Variants in ADARB2 observed in about 807,000 individuals in gnomAD.
ADARB2 encodes the protein inactive double-stranded RNA-specific editase B2.
ADARB2 carries 25 observed loss-of-function variants against 62.2 expected under a neutral mutation model. That is an observed-to-expected ratio of 0.40 (90% CI 0.29 to 0.56). ADARB2 has a LOEUF of 0.56. ADARB2 is among the 20% of genes least tolerant of loss of function. The pLI is 0.43. For synonymous variants in ADARB2, 572 were observed against 500.8 expected, an observed-to-expected ratio of 1.14 and a Z score of -1.90; for missense variants, 1,071 against 1,077.4, an observed-to-expected ratio of 0.99 and a Z score of 0.08.
In ADARB2 at chr10:1,529,793, G is replaced by A. The variant is rs193058759; in HGVS notation, c.101-150633C>T. 1.1e-3 allele frequency among the ~76,000 whole-genome samples: 162 copies of A among 152,298 alleles called. 1 individual carries two copies. Among genetic ancestry groups the A allele is most frequent in the African/African-American group, 3.4e-3 (142 of 41,544 alleles). The stretch of plus-strand genomic sequence containing the variant: ...TGCATGTAGAGGGCAGAGTTCAGGG[G>A]CACGCGCAGGGCAAAGGACAGGGTA... On this transcript the variant is annotated intron_variant, in intron 1 of 9. Transcript: ENST00000381312.
intron 1 of ADARB2, among the ~76,000 whole-genome samples, chr10:1,427,101 C>T (rs1036108316): frequency 1.3e-5 from 2 of 152,212 alleles, no homozygotes; most frequent in Non-Finnish European, 2.9e-5. Context: ...CACATGGAGT[C>T]CCAGCTGATT....
At chr10:1,453,485 C>T (rs1179731032) in intron 1 of ADARB2, among the ~76,000 whole-genome samples, 1 of 152,040 alleles carries the variant, frequency 6.6e-6, no homozygotes, top group African/African-American at 2.4e-5. Context: ...ATGTGAATAT[C>T]CAGGTTTCTT....
intron 1 of ADARB2, among the ~76,000 whole-genome samples, chr10:1,647,998 A>T (rs1834067887): frequency 6.6e-6 from 1 of 152,174 alleles, no homozygotes; most frequent in South Asian, 2.1e-4. Context: ...ATAAATTCTA[A>T]TTGAGTGGAT....
intron 1 of ADARB2, among the ~76,000 whole-genome samples, chr10:1,594,246 G>A (rs917305446): frequency 1.3e-5 from 2 of 152,132 alleles, no homozygotes; most frequent in African/African-American, 4.8e-5. Flanking sequence ...ACCTGAGATC[G>A]TGCCACTGCA....
Position 1,366,443 on chromosome 10 carries a change from C to CT in ADARB2, c.188-2527dup, listed in dbSNP as rs554933728. ...CCATGAGGGTTTACTACAAAATACT[C>CT]TGAGAATTATGGTAGTGAGCTGTGC... is the stretch of plus-strand genomic sequence containing the variant. On this transcript the variant is annotated intron_variant, in intron 2 of 9. Coordinates refer to ENST00000381312, the MANE Select transcript of ADARB2 (RefSeq NM_018702.4). Among the ~76,000 whole-genome samples the CT allele has an allele frequency of 1.6e-3, 246 of 152,252 alleles. 1 individual carries two copies. Among genetic ancestry groups the CT allele is most frequent in the African/African-American group, 5.8e-3 (241 of 41,540 alleles).
At chr10:1,732,282 G>T (rs949280446) in intron 1 of ADARB2, among the ~76,000 whole-genome samples, 40 of 144,436 alleles carry the variant, frequency 2.8e-4, no homozygotes, top group Non-Finnish European at 5.2e-4. Flanking sequence ...AACATTAAAT[G>T]CTTTTAGGGC....
In ADARB2 at chr10:1,655,183, C is replaced by A. The variant is rs576563327; in HGVS notation, c.100+81868G>T. Among the ~76,000 whole-genome samples the A allele has an allele frequency of 3.9e-5, 6 of 152,318 alleles. No individual in the cohort carries two copies. The East Asian group carries it at 1.2e-3, about 29-fold the overall frequency. On this transcript the variant is annotated intron_variant, in intron 1 of 9. Coordinates refer to ENST00000381312, the MANE Select transcript of ADARB2 (RefSeq NM_018702.4). ...TCCCCTGAGCCCTGAGGCCACACCC[C>A]TTGGCTGCTGAACCTGCCTGTGCTA...
At chr10:1,678,015 G>A (rs1834488531) in intron 1 of ADARB2, among the ~76,000 whole-genome samples, 1 of 152,200 alleles carries the variant, frequency 6.6e-6, no homozygotes. Context: ...TGTAAACTTG[G>A]ATTCTGACAT....
chr10:1,571,557 C>T lies in ADARB2; in HGVS notation c.100+165494G>A, dbSNP rs1420063031. ...TGCAGTTCCTGAGGAGCTATGAAGC[C>T]AGATACGTGGGTATCAGGACTCCCT... On this transcript the variant is annotated intron_variant, in intron 1 of 9. Transcript: ENST00000381312. Among the ~76,000 whole-genome samples, 4 of 152,216 alleles carry T rather than the reference C, an allele frequency of 2.6e-5. No individual in the cohort carries two copies. The East Asian group carries it at 7.7e-4, about 29-fold the overall frequency.
chr10:1,342,438 G>C (rs2805533), intron 3 of ADARB2, among the ~76,000 whole-genome samples: 4 of 151,958 alleles, frequency 2.6e-5, no homozygotes, highest in Non-Finnish European at 5.9e-5. Flanking sequence ...AACATTCAGG[G>C]AACAGTGACT....
chr10:1,455,972 A>G (rs1215849005), intron 1 of ADARB2, among the ~76,000 whole-genome samples: 1 of 152,246 alleles, frequency 6.6e-6, no homozygotes, highest in Non-Finnish European at 1.5e-5. Flanking sequence ...GAACTTGGCG[A>G]ACTCATGCAT....
intron 4 of ADARB2, among the ~76,000 whole-genome samples, chr10:1,265,858 C>T (rs1831192491): frequency 8.4e-6 from 1 of 119,480 alleles, no homozygotes; most frequent in Non-Finnish European, 1.8e-5. Flanking sequence ...GCCAGGTCCA[C>T]GCTCCCCCGG....
chr10:1,624,687 A>G (rs1833745415), intron 1 of ADARB2, among the ~76,000 whole-genome samples: 1 of 152,264 alleles, frequency 6.6e-6, no homozygotes, highest in African/African-American at 2.4e-5. Context: ...TCCTTGAAAT[A>G]AAAAGGCAGT....
intron 1 of ADARB2, among the ~76,000 whole-genome samples, chr10:1,407,398 G>A (rs1013547846): frequency 6.6e-6 from 1 of 152,214 alleles, no homozygotes; most frequent in Non-Finnish European, 1.5e-5. Flanking sequence ...CAACGGCCGG[G>A]GTGGGGTCTC....
intron 7 of ADARB2, among the ~76,000 whole-genome samples, chr10:1,202,050 T>C (rs1836993982): frequency 6.6e-6 from 1 of 152,142 alleles, no homozygotes; most frequent in South Asian, 2.1e-4. Context: ...GGAAAGGAGA[T>C]TTTTTGTAAC....
At chr10:1,215,082 G>A (rs1022098250) in intron 7 of ADARB2, among the ~76,000 whole-genome samples, 3 of 152,172 alleles carry the variant, frequency 2.0e-5, no homozygotes, top group Non-Finnish European at 2.9e-5. Context: ...CAGGTGCGGC[G>A]GGGGTCTCCC....
intron 3 of ADARB2, among the ~76,000 whole-genome samples, chr10:1,346,146 AC>A (rs1200771421): frequency 2.0e-5 from 3 of 152,204 alleles, no homozygotes; most frequent in Non-Finnish European, 4.4e-5. Flanking sequence ...TCACAATTCC[AC>A]CGTGTGCATT....
chr10:1,718,586 CT>C (rs569126962), intron 1 of ADARB2, among the ~76,000 whole-genome samples: 189 of 152,350 alleles, frequency 1.2e-3, no homozygotes, highest in Non-Finnish European at 2.5e-3. Context: ...AGCATTGCCC[CT>C]GTGGGAGGAA....
chr10:1,203,158 T>C (rs1004509478), intron 7 of ADARB2, among the ~76,000 whole-genome samples: 1 of 152,238 alleles, frequency 6.6e-6, no homozygotes, highest in Non-Finnish European at 1.5e-5. Context: ...AAAAAACCCA[T>C]GTCTAGTTTT....
Sources: allele counts gnomAD v4.1 joint callset (sites outside exome capture counted in the v4.1 genomes callset), GRCh38; gene constraint gnomAD v4.1.1; transcripts MANE v1.5; gene names NCBI Gene and HGNC (gene_info 2026-07-23, HGNC 2026-07-21).